LFNG: variants seen among roughly 807,000 people sequenced by gnomAD.
LFNG encodes LFNG O-fucosylpeptide 3-beta-N-acetylglucosaminyltransferase, also known as beta-1,3-N-acetylglucosaminyltransferase lunatic fringe.
LFNG carries 15 observed loss-of-function variants against 32.7 expected under a neutral mutation model. The ratio of observed to expected loss-of-function variants is 0.46; its 90% CI spans 0.31 to 0.71. The LOEUF (loss-of-function observed/expected upper bound fraction) is 0.71, where lower values mean the gene tolerates loss of function less well. LFNG is among the 30% of genes least tolerant of loss of function. The probability of loss-of-function intolerance (pLI) is 0.06; values close to 1 mark genes in which losing one functional copy is unlikely to be tolerated. For synonymous variants in LFNG, 274 were observed against 246.8 expected (o/e 1.11, Z -1.03); for missense variants, 520 against 545.7 (o/e 0.95, Z 0.47).
rs1217018486 is a variant in LFNG at position 2,520,043 on chromosome 7, C to T, written c.182C>T (p.Ala61Val). Residue 61 changes from alanine to valine, a missense_variant, in exon 1 of 8, where the codon GCG becomes GTG. Ala to Val is a moderately conservative substitution (Grantham distance 64). This residue lies in a region of LFNG where 360 missense variants were observed against 354.7 expected (regional missense o/e 1.01). Transcript: ENST00000222725. The surrounding 1 kb of genome is among the most constrained non-coding windows in gnomAD (Gnocchi z 5.0). ...AAPAPGLGAA[A>V]AAPGALVRDV... ...CCGGCGCCCGGGCTGGGGGCGGCGGCGGCGGCGCCCGGGGCGCTGGTCCGC... is the reference window on the plus strand; with the variant it reads ...CCGGCGCCCGGGCTGGGGGCGGCGGTGGCGGCGCCCGGGGCGCTGGTCCGC... 2.8e-6 allele frequency: 3 copies of T among 1,078,544 alleles called. No homozygotes were observed. Among genetic ancestry groups the T allele is most frequent in the South Asian group, 8.1e-5 (2 of 24,598 alleles). 66.8% of individuals were successfully genotyped at this position (1,078,544 alleles called of 1,614,324 possible).
intron 4 of LFNG, 37 bp from the exon 5 acceptor site, chr7:2,525,648 G>A (rs972681267): frequency 6.2e-7 from 1 of 1,612,280 alleles, no homozygotes; most frequent in South Asian, 1.1e-5. Flanking sequence ...AGGGGCAGCA[G>A]CGCCTGGGTC....
At position 2,526,274 on chromosome 7, in the gene LFNG, G is replaced by A. The variant is rs765408327; in HGVS notation, c.852G>A (p.Arg284=). The A allele has an allele frequency of 6.2e-7, 1 of 1,612,942 alleles. No individual in the cohort carries two copies. The highest frequency in any genetic ancestry group is 2.2e-5 in the East Asian group (1 of 44,888). Residue 284 remains arginine (R), a synonymous_variant, in exon 6 of 8, where the codon CGG becomes CGA. Coordinates refer to ENST00000222725, the MANE Select transcript of LFNG (RefSeq NM_001040167.2). This position sits in a 1 kb window ranked among gnomAD's most constrained non-coding sequence, Gnocchi z 6.9. ...SGGHFMNTAE[R]IRLPDDCTIG... is the part of the protein sequence containing the mutation. ...GTCACTTCATGAATACGGCTGAGCG[G>A]ATCCGGCTGCCTGATGACTGCACCA...
At chr7:2,512,707 C>T (rs1476607770) in intron 1 of LFNG, 4 of 1,613,570 alleles carry the variant, frequency 2.5e-6, no homozygotes, top group African/African-American at 1.3e-5. Flanking sequence ...ATGAGGTGGG[C>T]CTCAGGGTTG....
In LFNG at chr7:2,525,292, T is replaced by C. The variant is rs765393718; in HGVS notation, c.555T>C (p.Tyr185=). The change falls in exon 3 of 8, where the codon TAT becomes TAC. Residue 185 remains tyrosine, a synonymous_variant. Transcript: ENST00000222725. ...TGTCCTGCAAGATGGCCGTGGAGTA[T>C]GACCGCTTCATCGAGTCCGGCAGGA... ...QALSCKMAVE[Y]DRFIESGRKW... 3 of 1,612,900 alleles carry C rather than the reference T, an allele frequency of 1.9e-6. No homozygotes were observed. Among genetic ancestry groups the C allele is most frequent in the Admixed American group, 3.3e-5 (2 of 60,006 alleles).
upstream of LFNG, chr7:2,513,311 G>A (rs540363030): frequency 2.1e-5 from 33 of 1,606,068 alleles, no homozygotes; most frequent in Admixed American, 4.2e-4. Flanking sequence ...GTCCTACGGA[G>A]GTGGCCTCTC....
intron 1 of LFNG, 133 bp from the exon 2 acceptor site, chr7:2,524,562 C>A: frequency 1.2e-6 from 1 of 837,866 alleles, no homozygotes; most frequent in Non-Finnish European, 2.0e-6. Flanking sequence ...GAAACCAAGG[C>A]CCGGAGAAGG....
chr7:2,513,234 C>T (rs557786429), upstream of LFNG: 107 of 1,605,112 alleles, frequency 6.7e-5, no homozygotes, highest in African/African-American at 8.6e-5. Flanking sequence ...GAAGGATGGA[C>T]GGACAGATGG....
At chr7:2,514,571 TATCC>T (rs1282346128), upstream of LFNG, among the ~76,000 whole-genome samples, 8 of 96,826 alleles carry the variant, frequency 8.3e-5, no homozygotes, top group Non-Finnish European at 1.5e-4. Flanking sequence ...TCCATCCATC[TATCC>T]ATCCATCCAT....
upstream of LFNG, among the ~76,000 whole-genome samples, chr7:2,514,412 G>A (rs1162902204): frequency 6.6e-6 from 1 of 152,224 alleles, no homozygotes; most frequent in African/African-American, 2.4e-5. Flanking sequence ...CCGCTGTCAA[G>A]CAGCTGACAT....
rs1348289594 is a variant in LFNG, at chr7:2,527,131, G to C, written c.1074-15G>C. 1.2e-6 allele frequency: 2 copies of C among 1,611,568 alleles called. No homozygotes were observed. Among genetic ancestry groups the C allele is most frequent in the Non-Finnish European group, 1.7e-6 (2 of 1,179,248 alleles). ...CTGCCACCCACGCAGACCAGCCCCT[G>C]CTCTGTTCCCACAGGTTCCGCTCCA... is the stretch of plus-strand genomic sequence containing the variant. On this transcript the variant is annotated splice_polypyrimidine_tract_variant and intron_variant, in intron 7 of 7. Coordinates refer to ENST00000222725, the MANE Select transcript of LFNG (RefSeq NM_001040167.2). The surrounding 1 kb of genome is among the most constrained non-coding windows in gnomAD (Gnocchi z 4.4).
intron 2 of LFNG, 87 bp downstream of exon 2, chr7:2,524,830 C>A: frequency 7.8e-7 from 1 of 1,275,736 alleles, no homozygotes; most frequent in Non-Finnish European, 1.1e-6. Flanking sequence ...CCCTCTGGGC[C>A]GAGAGGTCAC....
chr7:2,519,772 C>G (rs1460275333), upstream of LFNG: 3 of 766,408 alleles, frequency 3.9e-6, no homozygotes, highest in African/African-American at 3.8e-5. Context: ...TGGTGCTGCG[C>G]TGCTGGACTG....
At chr7:2,528,556 C>T (rs766425041), downstream of LFNG, 61 of 403,120 alleles carry the variant, frequency 1.5e-4, no homozygotes, top group Non-Finnish European at 2.0e-4. Flanking sequence ...AGATAGGAAA[C>T]GCTTAGAGAC....
At chr7:2,515,043 C>T (rs375386359), upstream of LFNG, among the ~76,000 whole-genome samples, 76 of 60,148 alleles carry the variant, frequency 1.3e-3, 1 homozygote, top group East Asian at 0.097. Context: ...TCCATCCATC[C>T]ATCTGTCCAT....
At chr7:2,524,589 C>CGCAGCT in intron 1 of LFNG, 106 bp from the exon 2 acceptor site, 1 of 1,061,760 alleles carries the variant, frequency 9.4e-7, no homozygotes, top group Non-Finnish European at 1.4e-6. Flanking sequence ...GTCAGTGTGA[C>CGCAGCT]GCAGCTGCAG....
chr7:2,524,715 G>C lies in LFNG; in HGVS notation c.453G>C (p.Gly151=). 6.3e-7 allele frequency: 1 copy of C among 1,589,852 alleles called. No homozygotes were observed. The highest frequency in any genetic ancestry group is 8.6e-7 in the Non-Finnish European group (1 of 1,168,290). Residue 151 remains glycine (G), a synonymous_variant, in exon 2 of 8, where the codon GGG becomes GGC. Transcript: ENST00000222725. ...HKEMTFIFTD[G]EDEALARHTG... is the part of the protein sequence containing the mutation. ...TCCAGACGTTCATCTTCACTGACGG[G>C]GAAGATGAGGCCCTGGCCAGGCACA... is the stretch of plus-strand genomic sequence containing the variant.
upstream of LFNG, among the ~76,000 whole-genome samples, chr7:2,515,537 G>C (rs1355892121): frequency 1.3e-5 from 2 of 152,244 alleles, no homozygotes; most frequent in Non-Finnish European, 2.9e-5. Flanking sequence ...CTCAGCCACT[G>C]AGGCCAAGTC....
At position 2,527,693 on chromosome 7, in the gene LFNG, G is replaced by C. The variant is rs1259243231; in HGVS notation, c.*481G>C. On this transcript the variant is annotated 3_prime_UTR_variant, in exon 8 of 8. Transcript: ENST00000222725. The surrounding 1 kb of genome is among the most constrained non-coding windows in gnomAD (Gnocchi z 4.4). ...GACTCACTGAGCCATGCTCATTGCA[G>C]GGGAGGCTGGGTCTGGGGGTGCGTG... The C allele has an allele frequency of 2.8e-6, 3 of 1,080,030 alleles. No individual in the cohort carries two copies. The African/African-American group carries it at 4.9e-5, about 18-fold the overall frequency. 66.9% of individuals were successfully genotyped at this position (1,080,030 alleles called of 1,614,324 possible).
At chr7:2,528,973 T>C, downstream of LFNG, 1 of 494,376 alleles carries the variant, frequency 2.0e-6, no homozygotes, top group South Asian at 2.8e-5. Flanking sequence ...AGGCCGTGGG[T>C]CCGGCCGCCC....
Sources: allele counts gnomAD v4.1 joint callset (sites outside exome capture counted in the v4.1 genomes callset), GRCh38; gene constraint gnomAD v4.1.1; regional missense constraint gnomAD v4.1.1; non-coding constraint Gnocchi (gnomAD v3.1); transcripts MANE v1.5; gene names NCBI Gene and HGNC (gene_info 2026-07-23, HGNC 2026-07-21).